Variants in SORBS2 observed in about 807,000 individuals in gnomAD.
SORBS2 encodes the protein sorbin and SH3 domain-containing protein 2.
Under a neutral mutation model 97.7 loss-of-function variants are expected in SORBS2, and 46 were observed. The observed-to-expected ratio is 0.47, with a 90% CI of 0.37 to 0.60. The LOEUF is 0.60. Among genes scored for constraint, SORBS2 ranks in the 20% least tolerant of loss-of-function variants. The pLI is 0.00. For synonymous variants in SORBS2, 476 were observed against 473.4 expected (o/e 1.01, Z -0.07); for missense variants, 1,316 against 1,282.3 (o/e 1.03, Z -0.40).
chr4:185,914,998 G>T (rs560336425), intron 1 of SORBS2, among the ~76,000 whole-genome samples: 1 of 152,286 alleles, frequency 6.6e-6, no homozygotes, highest in African/African-American at 2.4e-5. Context: ...CAAATGGATT[G>T]TAAATGAAGA....
chr4:185,784,593 G>A (rs986355503), intron 1 of SORBS2, among the ~76,000 whole-genome samples: 1 of 152,096 alleles, frequency 6.6e-6, no homozygotes, highest in Non-Finnish European at 1.5e-5. Context: ...GTTATTTGAG[G>A]CAAACCCAAC....
intron 2 of SORBS2, among the ~76,000 whole-genome samples, chr4:185,735,295 T>G (rs934148847): frequency 6.6e-6 from 1 of 151,964 alleles, no homozygotes; most frequent in Non-Finnish European, 1.5e-5. Context: ...TTTCTGCAGA[T>G]ACGTCAGTGC....
intron 8 of SORBS2, among the ~76,000 whole-genome samples, chr4:185,619,580 G>A (rs1409006274): frequency 1.3e-5 from 2 of 152,204 alleles, no homozygotes; most frequent in Admixed American, 6.5e-5. Context: ...GTTCCCAGGG[G>A]CAGTATCCCG....
chr4:185,640,045 T>C (rs1397278759), intron 4 of SORBS2, among the ~76,000 whole-genome samples: 1 of 152,252 alleles, frequency 6.6e-6, no homozygotes, highest in African/African-American at 2.4e-5. Context: ...ACTAATAAAT[T>C]ATACTCACAG....
At chr4:185,951,844 G>A (rs1409975900) in intron 1 of SORBS2, among the ~76,000 whole-genome samples, 2 of 152,184 alleles carry the variant, frequency 1.3e-5, no homozygotes, top group African/African-American at 2.4e-5. Context: ...GGGTTAGTGA[G>A]TTGAACAAAT....
chr4:185,720,947 T>G (rs1218723349), intron 2 of SORBS2, among the ~76,000 whole-genome samples: 1 of 152,242 alleles, frequency 6.6e-6, no homozygotes, highest in African/African-American at 2.4e-5. Context: ...GGCCTCAATC[T>G]TCTCACCCTT....
intron 2 of SORBS2, chr4:185,773,227 G>A (rs547727755): frequency 6.6e-6 from 1 of 152,212 alleles, no homozygotes; most frequent in South Asian, 2.1e-4. Flanking sequence ...CAGTACTAAG[G>A]GAGAGTGAGT....
At chr4:185,864,527 T>C (rs2099225713) in intron 1 of SORBS2, among the ~76,000 whole-genome samples, 1 of 152,242 alleles carries the variant, frequency 6.6e-6, no homozygotes, top group African/African-American at 2.4e-5. Context: ...ATTTGCTTCA[T>C]CAAATTTAAT....
intron 2 of SORBS2, chr4:185,773,349 T>C (rs2098982600): frequency 6.6e-6 from 1 of 152,192 alleles, no homozygotes; most frequent in Non-Finnish European, 1.5e-5. Context: ...CTTCTTATAA[T>C]GTAGATTTGA....
intron 1 of SORBS2, among the ~76,000 whole-genome samples, chr4:185,799,662 AAG>A (rs879924399): frequency 2.0e-5 from 3 of 152,188 alleles, no homozygotes; most frequent in Non-Finnish European, 2.9e-5. Flanking sequence ...AGGAATTTGG[AAG>A]AGAGTCTTTC....
intron 1 of SORBS2, chr4:185,933,519 G>T (rs1440662863): frequency 6.6e-6 from 1 of 152,218 alleles, no homozygotes; most frequent in Non-Finnish European, 1.5e-5. Flanking sequence ...CTGAGGCTGT[G>T]CGGGAGAGTC....
intron 1 of SORBS2, among the ~76,000 whole-genome samples, chr4:185,797,892 C>A (rs1207927612): frequency 1.3e-5 from 2 of 152,204 alleles, no homozygotes; most frequent in Non-Finnish European, 2.9e-5. Context: ...AATGCCCCTG[C>A]CTTCACCATG....
At chr4:185,705,331 T>A (rs573000726) in intron 2 of SORBS2, among the ~76,000 whole-genome samples, 1 of 152,184 alleles carries the variant, frequency 6.6e-6, no homozygotes, top group Non-Finnish European at 1.5e-5. Context: ...GTTAAAAAAA[T>A]TTCTTAGAGA....
At chr4:185,860,273 C>T (rs2099222967) in intron 1 of SORBS2, among the ~76,000 whole-genome samples, 1 of 152,226 alleles carries the variant, frequency 6.6e-6, no homozygotes, top group Non-Finnish European at 1.5e-5. Context: ...TTCTTCCTAA[C>T]AAGCTTGCAT....
chr4:185,705,207 G>T (rs373581886), intron 2 of SORBS2, among the ~76,000 whole-genome samples: 1 of 152,312 alleles, frequency 6.6e-6, no homozygotes, highest in Admixed American at 6.5e-5. Flanking sequence ...AGCCTCAAAG[G>T]AATCATAATA....
chr4:185,917,174 C>T (rs7672247), intron 1 of SORBS2, among the ~76,000 whole-genome samples: 34,580 of 152,156 alleles, frequency 0.23, 4,279 homozygotes, highest in Non-Finnish European at 0.28. Flanking sequence ...ACAGAAGCTC[C>T]GCACCCCTTC....
At chr4:185,755,887 G>A (rs1008729121) in intron 2 of SORBS2, among the ~76,000 whole-genome samples, 1 of 152,090 alleles carries the variant, frequency 6.6e-6, no homozygotes, top group Non-Finnish European at 1.5e-5. Flanking sequence ...ACCTCCTCAT[G>A]TTTATTAGAA....
intron 2 of SORBS2, among the ~76,000 whole-genome samples, chr4:185,704,379 C>T (rs557021051): frequency 6.6e-6 from 1 of 151,986 alleles, no homozygotes; most frequent in East Asian, 1.9e-4. Flanking sequence ...AGTGCAGTGG[C>T]GTGATCTCGG....
chr4:185,821,524 A>G (rs7670885), intron 1 of SORBS2, among the ~76,000 whole-genome samples: 4,358 of 152,218 alleles, frequency 0.029, 191 homozygotes, highest in African/African-American at 0.098. Context: ...CCTGGGTTCA[A>G]GGGATTCTCC....
Sources: gnomAD v4.1 joint callset for allele counts (sites outside exome capture counted in the v4.1 genomes callset) on GRCh38, gnomAD v4.1.1 for gene constraint, MANE v1.5 for transcripts, NCBI Gene and HGNC (gene_info 2026-07-23, HGNC 2026-07-21) for gene names.